Variants in INTS4 observed in about 807,000 individuals in gnomAD.
INTS4 encodes MSTP093.
Under a neutral mutation model 119.5 loss-of-function variants are expected in INTS4, and 70 were observed. The ratio of observed to expected loss-of-function variants is 0.59; its 90% CI spans 0.48 to 0.71. INTS4 has a LOEUF of 0.71. Ranked by LOEUF, INTS4 falls within the 30% of genes least tolerant of loss-of-function variation. INTS4 has a pLI of 0.00. For synonymous variants in INTS4, 316 were observed against 419.6 expected (o/e 0.75, Z 3.02); for missense variants, 867 against 1,173.2 (o/e 0.74, Z 3.81).
At chr11:77,983,615 T>G (rs557024662) in intron 2 of INTS4, among the ~76,000 whole-genome samples, 1 of 151,998 alleles carries the variant, frequency 6.6e-6, no homozygotes, top group Non-Finnish European at 1.5e-5. Flanking sequence ...GAAATGCAAA[T>G]CAAAACTACA....
chr11:77,969,348 T>C (rs1486523551), intron 4 of INTS4, among the ~76,000 whole-genome samples: 1 of 152,030 alleles, frequency 6.6e-6, no homozygotes, highest in Non-Finnish European at 1.5e-5. Context: ...GGTATGTATG[T>C]ATAGGCGTAT....
intron 4 of INTS4, among the ~76,000 whole-genome samples, chr11:77,970,413 A>G (rs992151667): frequency 2.0e-4 from 31 of 152,124 alleles, no homozygotes; most frequent in African/African-American, 7.0e-4. Flanking sequence ...AAAAAAATTC[A>G]TATACAAACT....
rs11370501 is a variant in INTS4, at chr11:77,961,143, T to TAAAAAAAAAAAAAA, written c.472-19_472-6dup. On this transcript the variant is annotated splice_region_variant and splice_polypyrimidine_tract_variant and intron_variant, in intron 4 of 22. Coordinates refer to ENST00000534064, the MANE Select transcript of INTS4 (RefSeq NM_033547.4). ...ATGAGACGTATCTGTCAGATGCTATTAAAAAAAAAAAAAAAAAGAAAAAAA... is the reference window on the plus strand; with the variant it reads ...ATGAGACGTATCTGTCAGATGCTATTAAAAAAAAAAAAAAAAAAAAAAAAAAAAAAAGAAAAAAA... 3.6e-5 allele frequency: 44 copies of TAAAAAAAAAAAAAA among 1,216,566 alleles called. No individual in the cohort carries two copies. Among genetic ancestry groups the TAAAAAAAAAAAAAA allele is most frequent in the South Asian group, 2.7e-4 (10 of 36,730 alleles). 75.4% of individuals were successfully genotyped at this position (1,216,566 alleles called of 1,614,324 possible). A position where few individuals can be genotyped will look rare whatever the true frequency, so the allele number is the denominator to read the frequency against.
chr11:77,874,781 A>G (rs892314629), downstream of INTS4, among the ~76,000 whole-genome samples: 6 of 152,210 alleles, frequency 3.9e-5, no homozygotes, highest in Non-Finnish European at 7.3e-5. Flanking sequence ...TCACGCCTGT[A>G]ATCCCAGCGC....
chr11:77,902,470 T>A (rs1952806901), intron 17 of INTS4, among the ~76,000 whole-genome samples: 1 of 152,108 alleles, frequency 6.6e-6, no homozygotes, highest in Admixed American at 6.5e-5. Context: ...CAGACAAGAG[T>A]TCAGCACTGT....
intron 16 of INTS4, among the ~76,000 whole-genome samples, chr11:77,907,311 C>T (rs1481849708): frequency 2.0e-5 from 3 of 152,130 alleles, no homozygotes; most frequent in South Asian, 2.1e-4. Flanking sequence ...TGAGCTCAAG[C>T]GATCCTCCTG....
downstream of INTS4, among the ~76,000 whole-genome samples, chr11:77,875,377 T>G (rs1442597169): frequency 6.6e-6 from 1 of 152,232 alleles, no homozygotes; most frequent in Non-Finnish European, 1.5e-5. Context: ...GGAGACATGT[T>G]TTGTTTGTCT....
chr11:77,951,695 G>C (rs1954199843), intron 8 of INTS4, among the ~76,000 whole-genome samples: 1 of 152,144 alleles, frequency 6.6e-6, no homozygotes, highest in Admixed American at 6.6e-5. Flanking sequence ...CTTGTGCACA[G>C]CAAAAGAAAC....
intron 15 of INTS4, 50 bp downstream of exon 15, chr11:77,918,771 G>A: frequency 6.3e-7 from 1 of 1,596,164 alleles, no homozygotes; most frequent in Non-Finnish European, 8.6e-7. Context: ...GAACAGTCAA[G>A]CTGAGTGTAA....
rs1203350631 is a variant in INTS4 at position 77,933,965 on chromosome 11, GGGAGGGGAT to G, written c.1165+4677_1165+4685del. Among the ~76,000 whole-genome samples the G allele has an allele frequency of 6.6e-5, 10 of 152,296 alleles. No homozygotes were observed. The South Asian group carries it at 2.1e-3, about 32-fold the overall frequency. ...GTGGAGTGGAGAAGGGGGAAATGTG[GGGAGGGGAT>G]GGAGGGGTCGGATTGTTGCTGTGTC... On this transcript the variant is annotated intron_variant, in intron 10 of 22. Coordinates refer to ENST00000534064, the MANE Select transcript of INTS4 (RefSeq NM_033547.4).
rs777241872 is a variant in INTS4 at position 77,941,236 on chromosome 11, C to A, written c.934G>T (p.Val312Phe). 6 of 1,612,148 alleles carry A rather than the reference C, an allele frequency of 3.7e-6. No homozygotes were observed. The highest frequency in any genetic ancestry group is 2.5e-6 in the Non-Finnish European group (3 of 1,179,484). ...AAKLLGSMEQ[V>F]SSHFLEQTLD... ...GTCTGCTCCAAGAAATGAGAACTGA[C>A]TTGCTCCATAGAGCCCTATAAAAAG... is the stretch of plus-strand genomic sequence containing the variant. Residue 312 changes from valine (V) to phenylalanine (F), a missense_variant, in exon 9 of 23, where the codon GTC becomes TTC. Transcript: ENST00000534064.
intron 8 of INTS4, among the ~76,000 whole-genome samples, chr11:77,951,126 T>C (rs899873057): frequency 1.3e-5 from 2 of 152,170 alleles, no homozygotes; most frequent in Non-Finnish European, 2.9e-5. Flanking sequence ...TCTGTCATTG[T>C]TGGACATCTG....
intron 6 of INTS4, among the ~76,000 whole-genome samples, chr11:77,959,757 C>A (rs1954419166): frequency 6.6e-6 from 1 of 152,130 alleles, no homozygotes; most frequent in African/African-American, 2.4e-5. Context: ...CCACTCTTGG[C>A]AGGCTAACAA....
chr11:77,960,509 C>T (rs1707792849), intron 5 of INTS4, 118 bp from the exon 6 acceptor site: 2 of 659,998 alleles, frequency 3.0e-6, no homozygotes, highest in Admixed American at 5.2e-5. Flanking sequence ...TCCTTTTAGC[C>T]AAAATTAGTG....
chr11:77,920,033 T>A (rs1406006785), intron 14 of INTS4, among the ~76,000 whole-genome samples: 1 of 151,978 alleles, frequency 6.6e-6, no homozygotes, highest in Admixed American at 6.6e-5. Flanking sequence ...GGTCATGAAC[T>A]CCTGACCTCA....
At chr11:77,898,605 A>AAT (rs1952635459) in intron 18 of INTS4, among the ~76,000 whole-genome samples, 1 of 152,214 alleles carries the variant, frequency 6.6e-6, no homozygotes, top group African/African-American at 2.4e-5. Flanking sequence ...TATGCTGATA[A>AAT]ATATAAGTTC....
intron 13 of INTS4, 35 bp downstream of exon 13, chr11:77,922,321 A>G (rs1953384023): frequency 1.3e-6 from 2 of 1,533,846 alleles, no homozygotes; most frequent in African/African-American, 2.8e-5. Flanking sequence ...GCTGCCTGCC[A>G]ACACATCAGG....
At chr11:77,989,813 C>A (rs1384032464) in intron 2 of INTS4, among the ~76,000 whole-genome samples, 2 of 152,014 alleles carry the variant, frequency 1.3e-5, no homozygotes, top group Non-Finnish European at 2.9e-5. Context: ...GCAGGAGGAT[C>A]AATTGAGCCT....
intron 10 of INTS4, among the ~76,000 whole-genome samples, chr11:77,934,042 T>C (rs1953731609): frequency 4.0e-4 from 2 of 5,020 alleles, no homozygotes; most frequent in Admixed American, 2.8e-3. Context: ...TTTTGTTCTG[T>C]ACTAAGAAAA....
Sources: gnomAD v4.1 joint callset for allele counts (sites outside exome capture counted in the v4.1 genomes callset) on GRCh38, gnomAD v4.1.1 for gene constraint, MANE v1.5 for transcripts, NCBI Gene and HGNC (gene_info 2026-07-23, HGNC 2026-07-21) for gene names.